The following PTPRK variants were observed in gnomAD, a reference collection of about 807,000 sequenced individuals.
PTPRK encodes the protein protein tyrosine phosphatase receptor type K.
In PTPRK, 75 loss-of-function variants were observed where a neutral mutation model predicts 178.0. The ratio of observed to expected loss-of-function variants is 0.42; its 90% CI spans 0.35 to 0.51. The LOEUF is 0.51. PTPRK is among the 20% of genes least tolerant of loss of function. The pLI, the probability that PTPRK is intolerant of heterozygous loss-of-function variation, is 0.02. For synonymous variants in PTPRK, 637 were observed against 620.6 expected (o/e 1.03, Z -0.39); for missense variants, 1,441 against 1,797.8 (o/e 0.80, Z 3.59).
chr6:128,254,150 C>T (rs1347669348), intron 3 of PTPRK, among the ~76,000 whole-genome samples: 1 of 152,114 alleles, frequency 6.6e-6, no homozygotes, highest in Admixed American at 6.6e-5. Context: ...AAGGTTTTGA[C>T]ATAAAGTTTG....
chr6:128,346,594 C>A (rs998743063), intron 2 of PTPRK, among the ~76,000 whole-genome samples: 1 of 152,094 alleles, frequency 6.6e-6, no homozygotes, highest in Non-Finnish European at 1.5e-5. Context: ...AGTAAACAGA[C>A]AGATCTTAAA....
intron 7 of PTPRK, among the ~76,000 whole-genome samples, chr6:128,107,566 T>TA (rs941731464): frequency 6.6e-6 from 1 of 152,114 alleles, no homozygotes; most frequent in African/African-American, 2.4e-5. Context: ...TGTATTTGAG[T>TA]AAAAAACATA....
At chr6:128,295,297 C>A (rs1824123935) in intron 3 of PTPRK, among the ~76,000 whole-genome samples, 1 of 152,050 alleles carries the variant, frequency 6.6e-6, no homozygotes, top group South Asian at 2.1e-4. Flanking sequence ...AGCCACAAGA[C>A]AGATTTGGCC....
intron 1 of PTPRK, among the ~76,000 whole-genome samples, chr6:128,471,953 A>C (rs1392866021): frequency 6.6e-6 from 1 of 152,086 alleles, no homozygotes; most frequent in East Asian, 1.9e-4. Context: ...ATAGCCAAAG[A>C]AAATAAGAAG....
intron 1 of PTPRK, among the ~76,000 whole-genome samples, chr6:128,514,218 C>G: frequency 6.6e-6 from 1 of 152,148 alleles, no homozygotes; most frequent in East Asian, 1.9e-4. Flanking sequence ...AGCTTATTTT[C>G]CACTTGTTTC....
chr6:128,508,078 C>G (rs1352300673), intron 1 of PTPRK, among the ~76,000 whole-genome samples: 1 of 152,106 alleles, frequency 6.6e-6, no homozygotes, highest in Non-Finnish European at 1.5e-5. Flanking sequence ...GTAAGACAGA[C>G]AGAGCTTTGA....
intron 7 of PTPRK, among the ~76,000 whole-genome samples, chr6:128,141,602 T>A (rs116759339): frequency 6.6e-6 from 1 of 151,632 alleles, no homozygotes; most frequent in Non-Finnish European, 1.5e-5. Flanking sequence ...AAAAAAAAAA[T>A]GATCTGAGTG....
At chr6:128,334,099 C>A (rs1179690516) in intron 2 of PTPRK, among the ~76,000 whole-genome samples, 1 of 152,110 alleles carries the variant, frequency 6.6e-6, no homozygotes, top group Non-Finnish European at 1.5e-5. Flanking sequence ...TATACGGGAG[C>A]TGTTCGTGGT....
At chr6:128,426,148 T>C (rs929080990) in intron 1 of PTPRK, among the ~76,000 whole-genome samples, 1 of 152,218 alleles carries the variant, frequency 6.6e-6, no homozygotes, top group Admixed American at 6.5e-5. Context: ...ATTCTTCTGA[T>C]TTCTTCCCAT....
At chr6:128,113,511 A>G (rs2114350751) in intron 7 of PTPRK, among the ~76,000 whole-genome samples, 1 of 151,966 alleles carries the variant, frequency 6.6e-6, no homozygotes, top group South Asian at 2.1e-4. Flanking sequence ...ATAAAAATAC[A>G]GTATAACAAC....
chr6:128,185,048 G>A (rs531713307), intron 6 of PTPRK, among the ~76,000 whole-genome samples: 1 of 152,118 alleles, frequency 6.6e-6, no homozygotes, highest in Non-Finnish European at 1.5e-5. Context: ...GCTACTAAGA[G>A]AGTAGAGTTG....
rs372566716 is a variant in PTPRK, at chr6:128,083,787, T to A, written c.1503A>T (p.Thr501=). 16 of 1,606,656 alleles carry A rather than the reference T, an allele frequency of 1.0e-5. No homozygotes were observed. The highest frequency in any genetic ancestry group is 1.2e-5 in the Non-Finnish European group (14 of 1,175,796). The change falls in exon 9 of 30, where the codon ACA becomes ACT. Residue 501 remains threonine, a synonymous_variant. Transcript: ENST00000368226. The part of the protein sequence containing the change: ...GPVPVKSLQG[T]SFENKIFLNW... ...TCAAGAAGATCTTATTTTCAAAGGA[T>A]GTTCCTTGAAGAGATTTTACTGGTA...
intron 7 of PTPRK, among the ~76,000 whole-genome samples, chr6:128,101,988 A>G (rs1788869453): frequency 6.6e-6 from 1 of 152,178 alleles, no homozygotes; most frequent in Non-Finnish European, 1.5e-5. Context: ...CCTTTATTAA[A>G]GCATTTAATG....
intron 3 of PTPRK, chr6:128,321,661 T>C (rs1828806951): frequency 6.5e-6 from 4 of 618,284 alleles, no homozygotes; most frequent in Non-Finnish European, 1.1e-5. Flanking sequence ...AAGATTACAA[T>C]AAACTCAAAA....
At chr6:128,199,009 C>T (rs904344090) in intron 6 of PTPRK, among the ~76,000 whole-genome samples, 1 of 152,112 alleles carries the variant, frequency 6.6e-6, no homozygotes, top group Non-Finnish European at 1.5e-5. Context: ...AAACTTTATG[C>T]TTGCAAGGTG....
At position 127,983,357 on chromosome 6, in the gene PTPRK, C is replaced by A; in HGVS notation, c.3272G>T (p.Gly1091Val). 1 of 1,613,470 alleles carries A rather than the reference C, an allele frequency of 6.2e-7. No individual in the cohort carries two copies. Among genetic ancestry groups the A allele is most frequent in the South Asian group, 1.1e-5 (1 of 91,008 alleles). The change falls in exon 23 of 30, where the codon GGC becomes GTC. Residue 1091 changes from glycine to valine, a missense_variant. Gly to Val is a moderately radical substitution (Grantham distance 109, BLOSUM62 -3). Around this residue, in one of 4 missense-constraint regions of PTPRK, gnomAD observed 335 missense variants for 512.4 expected, o/e 0.65. Transcript: ENST00000368226. ...CATGATGTCAATCACAATGTAGCAG[C>A]CAGTTCGTCCAGCACCAGCACTGAA... ...VHCSAGAGRT[G>V]CYIVIDIMLD...
At chr6:128,433,832 T>G (rs1171052703) in intron 1 of PTPRK, among the ~76,000 whole-genome samples, 1 of 149,276 alleles carries the variant, frequency 6.7e-6, no homozygotes, top group Non-Finnish European at 1.5e-5. Flanking sequence ...CACTGTTTTT[T>G]TTTTTTTTTT....
chr6:128,379,436 A>G (rs978673455), intron 2 of PTPRK, among the ~76,000 whole-genome samples: 7 of 152,166 alleles, frequency 4.6e-5, no homozygotes, highest in African/African-American at 1.4e-4. Context: ...AACATACTTC[A>G]ACTGTTTTCA....
intron 3 of PTPRK, among the ~76,000 whole-genome samples, chr6:128,265,406 G>T (rs1247579040): frequency 6.6e-6 from 1 of 152,056 alleles, no homozygotes; most frequent in African/African-American, 2.4e-5. Flanking sequence ...CAAACACATA[G>T]ATAATACTGA....
Sources: gnomAD v4.1 joint callset for allele counts (sites outside exome capture counted in the v4.1 genomes callset) on GRCh38, gnomAD v4.1.1 for gene constraint, gnomAD v4.1.1 regional missense constraint, MANE v1.5 for transcripts, NCBI Gene and HGNC (gene_info 2026-07-23, HGNC 2026-07-21) for gene names.